Variants in ARHGAP24 observed in about 807,000 individuals in gnomAD.
ARHGAP24 encodes the protein Rho GTPase activating protein 24, also known as rho GTPase-activating protein 24.
In ARHGAP24, 50 loss-of-function variants were observed where a neutral mutation model predicts 76.4. That is an observed-to-expected ratio of 0.65 (90% CI 0.52 to 0.83). The LOEUF (loss-of-function observed/expected upper bound fraction) is 0.83. Among genes scored for constraint, ARHGAP24 ranks in the 40% least tolerant of loss-of-function variants. ARHGAP24 has a pLI of 0.00. For synonymous variants in ARHGAP24, 345 were observed against 323.3 expected, an observed-to-expected ratio of 1.07 and a Z score of -0.72; for missense variants, 930 against 914.2, an observed-to-expected ratio of 1.02 and a Z score of -0.22.
chr4:85,660,682 G>A (rs1485644725), intron 2 of ARHGAP24, among the ~76,000 whole-genome samples: 4 of 150,756 alleles, frequency 2.7e-5, no homozygotes, highest in Non-Finnish European at 5.9e-5. Context: ...TGTAATCCCA[G>A]CTACTCAGGA....
At chr4:85,853,991 C>T (rs116606460) in intron 3 of ARHGAP24, among the ~76,000 whole-genome samples, 6,240 of 150,782 alleles carry the variant, frequency 0.041, 438 homozygotes, top group African/African-American at 0.14. Context: ...CCCAATTAGC[C>T]GGGCGTGGTG....
At chr4:85,505,367 G>A (rs1195560123) in intron 1 of ARHGAP24, among the ~76,000 whole-genome samples, 4 of 152,128 alleles carry the variant, frequency 2.6e-5, no homozygotes, top group East Asian at 1.9e-4. Flanking sequence ...CCAATCAAAC[G>A]TTGATTTGGT....
intron 2 of ARHGAP24, among the ~76,000 whole-genome samples, chr4:85,666,823 C>G (rs903580814): frequency 6.6e-6 from 1 of 152,116 alleles, no homozygotes; most frequent in Non-Finnish European, 1.5e-5. Context: ...TTTCGTGAAC[C>G]GCGAATGCTG....
intron 1 of ARHGAP24, among the ~76,000 whole-genome samples, chr4:85,543,288 TCGGCCTG>T (rs1725782008): frequency 6.6e-6 from 1 of 152,186 alleles, no homozygotes; most frequent in African/African-American, 2.4e-5. Context: ...TTCAGAAGTA[TCGGCCTG>T]GTGATAGTAC....
In ARHGAP24 at chr4:85,905,966, C is replaced by T. The variant is rs565991991; in HGVS notation, c.269-17682C>T. Among the ~76,000 whole-genome samples the T allele has an allele frequency of 5.3e-5, 8 of 152,226 alleles. No homozygotes were observed. In the South Asian group the frequency reaches 8.3e-4, roughly 16 times the overall value. ...CTGCCAAGAAGGAGCTGAAATAAAA[C>T]CATCAGCTCATTTTTTCTTGGCACC... On this transcript the variant is annotated intron_variant, in intron 3 of 9. Transcript: ENST00000395184.
At chr4:85,954,749 T>C (rs1014395184) in intron 5 of ARHGAP24, among the ~76,000 whole-genome samples, 10 of 152,256 alleles carry the variant, frequency 6.6e-5, no homozygotes, top group African/African-American at 2.4e-4. Context: ...GTCTCACGCC[T>C]GTAATCCCAG....
chr4:85,501,284 T>C (rs1256904938), intron 1 of ARHGAP24, among the ~76,000 whole-genome samples: 2 of 152,116 alleles, frequency 1.3e-5, no homozygotes, highest in African/African-American at 2.4e-5. Context: ...GTTCTAGATC[T>C]TTGAGGAATT....
In ARHGAP24 at chr4:85,947,912, A is replaced by C. The variant is rs187163569; in HGVS notation, c.599+5639A>C. 6.2e-4 allele frequency among the ~76,000 whole-genome samples: 95 copies of C among 152,326 alleles called. 1 individual carries two copies. The East Asian group carries it at 0.018, about 28-fold the overall frequency. On this transcript the variant is annotated intron_variant, in intron 5 of 9. Coordinates refer to ENST00000395184, the MANE Select transcript of ARHGAP24 (RefSeq NM_001025616.3). ...ATGGAAAAAGAAAACAGGATCAATTAATTGATTAAAACCATGCCTTTTACA... is the reference window on the plus strand; with the variant it reads ...ATGGAAAAAGAAAACAGGATCAATTCATTGATTAAAACCATGCCTTTTACA...
At chr4:85,632,235 A>G (rs1721181524) in intron 2 of ARHGAP24, among the ~76,000 whole-genome samples, 1 of 151,986 alleles carries the variant, frequency 6.6e-6, no homozygotes, top group Admixed American at 6.6e-5. Flanking sequence ...GCCTCAGACC[A>G]TATAAAAACT....
intron 2 of ARHGAP24, among the ~76,000 whole-genome samples, chr4:85,699,336 G>C (rs1364775621): frequency 2.0e-5 from 3 of 152,202 alleles, no homozygotes; most frequent in Admixed American, 1.3e-4. Flanking sequence ...GCTCACACCT[G>C]TAATCCCAAC....
chr4:85,939,363 A>G (rs1270583271), intron 4 of ARHGAP24, among the ~76,000 whole-genome samples: 1 of 152,196 alleles, frequency 6.6e-6, no homozygotes, highest in African/African-American at 2.4e-5. Context: ...AGGAATAAGC[A>G]AAGATTTTAA....
chr4:85,995,561 ACAG>A lies in ARHGAP24; in HGVS notation c.1916_1918del (p.Ser639del). The A allele has an allele frequency of 1.2e-6, 2 of 1,612,938 alleles. No homozygotes were observed. The highest frequency in any genetic ancestry group is 8.5e-7 in the Non-Finnish European group (1 of 1,179,272). ...GACAACAGTGAGACATTTGTGGGCA[ACAG>A]CAGCAGCAACCACAGTGCACTGCAC... On this transcript the variant is annotated inframe_deletion, in exon 9 of 10. Transcript: ENST00000395184.
intron 2 of ARHGAP24, among the ~76,000 whole-genome samples, chr4:85,695,033 CA>C (rs1463579568): frequency 4.6e-5 from 7 of 152,126 alleles, no homozygotes; most frequent in African/African-American, 1.7e-4. Context: ...CATAACACTC[CA>C]AGGTGTATTT....
chr4:85,639,257 C>T (rs750067210), intron 2 of ARHGAP24, among the ~76,000 whole-genome samples: 2 of 152,016 alleles, frequency 1.3e-5, no homozygotes, highest in African/African-American at 4.8e-5. Flanking sequence ...ACTAATAGTT[C>T]AGTGTTATTA....
chr4:85,750,600 A>G (rs1312359564), intron 3 of ARHGAP24, among the ~76,000 whole-genome samples: 2 of 144,218 alleles, frequency 1.4e-5, no homozygotes, highest in African/African-American at 5.2e-5. Flanking sequence ...GGCTCAAGCA[A>G]TTCTCTTGCC....
chr4:85,679,585 C>G (rs751589787), intron 2 of ARHGAP24, among the ~76,000 whole-genome samples: 2 of 152,184 alleles, frequency 1.3e-5, no homozygotes, highest in Non-Finnish European at 2.9e-5. Context: ...ATCTTACGCA[C>G]CTCCACATTA....
chr4:85,816,048 GA>G lies in ARHGAP24; in HGVS notation c.268+94079del, dbSNP rs1171117994. Among the ~76,000 whole-genome samples, 5 of 152,082 alleles carry G rather than the reference GA, an allele frequency of 3.3e-5. No individual in the cohort carries two copies. The East Asian group carries it at 5.8e-4, about 18-fold the overall frequency. On this transcript the variant is annotated intron_variant, in intron 3 of 9. Transcript: ENST00000395184. The stretch of plus-strand genomic sequence containing the variant: ...TCACTACCACGAGAACAGCATGGGG[GA>G]AACCACCCCCACAATCCAACTATCT...
intron 1 of ARHGAP24, among the ~76,000 whole-genome samples, chr4:85,509,955 A>G (rs1455472160): frequency 3.3e-5 from 5 of 152,158 alleles, no homozygotes; most frequent in Admixed American, 2.6e-4. Context: ...ACAAAGATAG[A>G]GTGGTGGCAA....
chr4:85,956,749 G>C (rs1737925185), intron 5 of ARHGAP24, among the ~76,000 whole-genome samples: 1 of 152,292 alleles, frequency 6.6e-6, no homozygotes, highest in African/African-American at 2.4e-5. Flanking sequence ...CGCTGAATCA[G>C]GAGCACAGCC....
Sources: gnomAD v4.1 joint callset for allele counts (sites outside exome capture counted in the v4.1 genomes callset) on GRCh38, gnomAD v4.1.1 for gene constraint, MANE v1.5 for transcripts, NCBI Gene and HGNC (gene_info 2026-07-23, HGNC 2026-07-21) for gene names.